The following ESRRG variants were observed in gnomAD, a reference collection of about 807,000 sequenced individuals.
The protein encoded by ESRRG is estrogen-related receptor gamma.
In ESRRG, 13 loss-of-function variants were observed where a neutral mutation model predicts 44.0. The ratio of observed to expected loss-of-function variants is 0.30; its 90% CI spans 0.19 to 0.47. The LOEUF is 0.47. ESRRG is among the 20% of genes least tolerant of loss of function. ESRRG has a pLI of 1.00. For missense variants in ESRRG, 395 were observed against 580.6 expected (o/e 0.68, Z 3.29); for synonymous variants, 215 against 214.6 (o/e 1.00, Z -0.02).
chr1:216,810,222 G>T (rs2094926490), intron 2 of ESRRG, among the ~76,000 whole-genome samples: 1 of 152,094 alleles, frequency 6.6e-6, no homozygotes, highest in Non-Finnish European at 1.5e-5. Context: ...TTCAAGACAT[G>T]CCTCCATGCC....
At chr1:216,721,932 C>T (rs1482352120) in intron 1 of ESRRG, among the ~76,000 whole-genome samples, 2 of 152,174 alleles carry the variant, frequency 1.3e-5, no homozygotes, top group Non-Finnish European at 2.9e-5. Flanking sequence ...TCAGTTCCTC[C>T]TAAATCCATC....
At chr1:217,046,850 C>T (rs915158623) in intron 1 of ESRRG, among the ~76,000 whole-genome samples, 2 of 151,624 alleles carry the variant, frequency 1.3e-5, no homozygotes, top group African/African-American at 4.8e-5. Flanking sequence ...GCCACAGGCA[C>T]TCAGCTTGAG....
chr1:216,690,406 T>C (rs1164691350), intron 1 of ESRRG, among the ~76,000 whole-genome samples: 6 of 152,022 alleles, frequency 3.9e-5, no homozygotes, highest in Non-Finnish European at 8.8e-5. Flanking sequence ...CAAAAGAATA[T>C]ATACTGTAAA....
intron 5 of ESRRG, among the ~76,000 whole-genome samples, chr1:216,558,881 T>A (rs2149477032): frequency 6.6e-6 from 1 of 152,196 alleles, no homozygotes; most frequent in Non-Finnish European, 1.5e-5. Flanking sequence ...TTTTTTTGTT[T>A]TTTTTGCGAT....
At chr1:216,954,215 C>T (rs550041063) in intron 1 of ESRRG, among the ~76,000 whole-genome samples, 23 of 151,806 alleles carry the variant, frequency 1.5e-4, no homozygotes, top group African/African-American at 5.1e-4. Flanking sequence ...TTTTTAATTG[C>T]ACTACTCCAT....
intron 3 of ESRRG, among the ~76,000 whole-genome samples, chr1:216,605,621 G>C (rs2059829877): frequency 6.6e-6 from 1 of 152,090 alleles, no homozygotes; most frequent in South Asian, 2.1e-4. Context: ...AATTATACAA[G>C]ATTAAGGTAA....
intron 2 of ESRRG, among the ~76,000 whole-genome samples, chr1:216,861,999 C>A (rs1200302257): frequency 6.6e-6 from 1 of 152,096 alleles, no homozygotes; most frequent in Non-Finnish European, 1.5e-5. Context: ...GATACTACTA[C>A]ACATCTATTA....
At chr1:217,028,406 A>G (rs2081535699) in intron 1 of ESRRG, among the ~76,000 whole-genome samples, 1 of 152,194 alleles carries the variant, frequency 6.6e-6, no homozygotes, top group South Asian at 2.1e-4. Context: ...GTGGCTGGTA[A>G]ATACAGAAGT....
At chr1:216,566,443 G>T (rs1039828219) in intron 4 of ESRRG, among the ~76,000 whole-genome samples, 5 of 152,044 alleles carry the variant, frequency 3.3e-5, no homozygotes, top group Non-Finnish European at 5.9e-5. Context: ...CTTCTTAAAG[G>T]TACTTGACAA....
chr1:216,550,108 GGAA>G (rs2055829171), intron 5 of ESRRG, among the ~76,000 whole-genome samples: 1 of 152,104 alleles, frequency 6.6e-6, no homozygotes, highest in Non-Finnish European at 1.5e-5. Context: ...TGAACCGCTA[GGAA>G]TAATGTAGTG....
intron 2 of ESRRG, among the ~76,000 whole-genome samples, chr1:216,888,093 G>C (rs1304211165): frequency 6.6e-6 from 1 of 151,868 alleles, no homozygotes; most frequent in Non-Finnish European, 1.5e-5. Flanking sequence ...AATTTACTGA[G>C]GTCCTCTCAT....
At chr1:216,561,738 G>C (rs115041261) in intron 5 of ESRRG, among the ~76,000 whole-genome samples, 229 of 151,864 alleles carry the variant, frequency 1.5e-3, no homozygotes, top group African/African-American at 5.1e-3. Context: ...CTCTTGTTTT[G>C]CTAATCCCTT....
chr1:217,050,468 C>T (rs1481829790), intron 1 of ESRRG, among the ~76,000 whole-genome samples: 1 of 152,120 alleles, frequency 6.6e-6, no homozygotes, highest in Non-Finnish European at 1.5e-5. Flanking sequence ...GCATTCTGCA[C>T]GTGAGTGAAG....
intron 2 of ESRRG, among the ~76,000 whole-genome samples, chr1:216,676,006 T>C (rs984782087): frequency 3.9e-5 from 6 of 152,166 alleles, no homozygotes; most frequent in Admixed American, 6.5e-5. Flanking sequence ...GAACCACTGA[T>C]ATGTGGGAAG....
At chr1:216,610,420 A>C (rs1419001187) in intron 3 of ESRRG, among the ~76,000 whole-genome samples, 1 of 152,180 alleles carries the variant, frequency 6.6e-6, no homozygotes, top group African/African-American at 2.4e-5. Context: ...CATTTGAAGA[A>C]TATTTAAAGG....
At chr1:216,877,714 G>A (rs1016660919) in intron 2 of ESRRG, among the ~76,000 whole-genome samples, 25 of 151,946 alleles carry the variant, frequency 1.6e-4, no homozygotes, top group Admixed American at 5.2e-4. Flanking sequence ...AGATCACCGC[G>A]CCCGGCCTAT....
At chr1:216,937,437 A>C (rs1231795967) in intron 2 of ESRRG, among the ~76,000 whole-genome samples, 8 of 152,200 alleles carry the variant, frequency 5.3e-5, no homozygotes, top group Non-Finnish European at 1.2e-4. Context: ...TTAGTCAATT[A>C]GTCAGAAAGG....
intron 2 of ESRRG, among the ~76,000 whole-genome samples, chr1:216,875,568 G>T (rs1436889): frequency 0.27 from 41,269 of 151,962 alleles, 7,930 homozygotes; most frequent in African/African-American, 0.54. Context: ...CAACCTTATT[G>T]CATATAGCAC....
chr1:216,757,213 G>T (rs1263225902), intron 2 of ESRRG, among the ~76,000 whole-genome samples: 4 of 151,872 alleles, frequency 2.6e-5, no homozygotes, highest in Non-Finnish European at 5.9e-5. Flanking sequence ...TTCGTTACTG[G>T]TTATTTATAA....
Sources: gnomAD v4.1 joint callset for allele counts (sites outside exome capture counted in the v4.1 genomes callset) on GRCh38, gnomAD v4.1.1 for gene constraint, MANE v1.5 for transcripts, NCBI Gene and HGNC (gene_info 2026-07-23, HGNC 2026-07-21) for gene names.